Variants in TBCD observed in about 807,000 individuals in gnomAD.
TBCD encodes the protein tubulin folding cofactor D.
TBCD carries 105 observed loss-of-function variants against 169.3 expected under a neutral mutation model. That is an observed-to-expected ratio of 0.62 (90% CI 0.53 to 0.73). TBCD has a LOEUF of 0.73. TBCD is among the 30% of genes least tolerant of loss of function. The pLI, the probability that TBCD is intolerant of heterozygous loss-of-function variation, is 0.00. For missense variants in TBCD, 1,444 were observed against 1,600.1 expected, an observed-to-expected ratio of 0.90 and a Z score of 1.66; for synonymous variants, 700 against 643.9, an observed-to-expected ratio of 1.09 and a Z score of -1.32.
intron 18 of TBCD, among the ~76,000 whole-genome samples, chr17:82,901,968 G>A (rs7208393): frequency 0.27 from 40,318 of 152,076 alleles, 5,344 homozygotes; most frequent in Middle Eastern, 0.31. Flanking sequence ...ATATATGCCC[G>A]TAGCGTCGGA....
intron 6 of TBCD, 106 bp from the exon 7 acceptor site, chr17:82,781,483 C>G (rs113137953): frequency 7.1e-7 from 1 of 1,401,702 alleles, no homozygotes; most frequent in South Asian, 1.4e-5. Flanking sequence ...TGTAAGGGTG[C>G]GTGAGGTGGG....
chr17:82,921,601 G>C, intron 25 of TBCD, 24 bp downstream of exon 25: 45 of 1,611,218 alleles, frequency 2.8e-5, no homozygotes, highest in Non-Finnish European at 3.8e-5. Flanking sequence ...GGGCGTTCCC[G>C]GCCGGCGCTG....
intron 36 of TBCD, 137 bp downstream of exon 36, chr17:82,938,273 G>A (rs987452113): frequency 1.5e-5 from 15 of 972,834 alleles, no homozygotes; most frequent in Non-Finnish European, 1.9e-5. Flanking sequence ...GGGTGACGAC[G>A]CGTCACAGGC....
At chr17:82,896,000 T>C (rs560150307) in intron 17 of TBCD, 59 of 152,348 alleles carry the variant, frequency 3.9e-4, no homozygotes, top group African/African-American at 1.4e-3. Flanking sequence ...GGTACATTTT[T>C]GTAAATGTTA....
At chr17:82,836,110 A>G (rs2053949823) in intron 13 of TBCD, among the ~76,000 whole-genome samples, 1 of 152,232 alleles carries the variant, frequency 6.6e-6, no homozygotes, top group South Asian at 2.1e-4. Flanking sequence ...AGAACGTGAA[A>G]TAATTCTTTA....
intron 8 of TBCD, among the ~76,000 whole-genome samples, chr17:82,799,383 C>T (rs1288406974): frequency 7.5e-6 from 1 of 133,382 alleles, no homozygotes; most frequent in African/African-American, 2.9e-5. Context: ...TTGGAGGTTG[C>T]AGTGAGCTGA....
chr17:82,840,950 ACTGG>A (rs2054435839), intron 13 of TBCD, among the ~76,000 whole-genome samples: 1 of 79,392 alleles, frequency 1.3e-5, no homozygotes, highest in Admixed American at 1.8e-4. Flanking sequence ...GGACAGACAA[ACTGG>A]TTTTTTTTTT....
chr17:82,803,850 A>C (rs1598598988), intron 9 of TBCD, among the ~76,000 whole-genome samples: 1 of 137,646 alleles, frequency 7.3e-6, no homozygotes. Flanking sequence ...GCTGGGGTGC[A>C]CCGGTCTGTG....
chr17:82,848,753 G>T (rs1281533930), intron 13 of TBCD, among the ~76,000 whole-genome samples: 5 of 152,198 alleles, frequency 3.3e-5, no homozygotes, highest in African/African-American at 1.2e-4. Context: ...CAATGGGCTT[G>T]ATCCCTTCTC....
At chr17:82,846,185 C>CTG (rs1259596200) in intron 13 of TBCD, among the ~76,000 whole-genome samples, 1 of 104,776 alleles carries the variant, frequency 9.5e-6, no homozygotes, top group Non-Finnish European at 2.1e-5. Flanking sequence ...AAGCCCTGTG[C>CTG]CTCCCTCCAC....
rs371283194 is a variant in TBCD at position 82,759,546 on chromosome 17, G to A, written c.235+3331G>A. On this transcript the variant is annotated intron_variant, in intron 2 of 38. Transcript: ENST00000355528. Reference sequence around the variant, plus strand: ...ACGCTGTGTTCCTCAGGCTGGTCTCGAACTTCTGGCCCCAAGCAATCCTGC... The same window carrying A: ...ACGCTGTGTTCCTCAGGCTGGTCTCAAACTTCTGGCCCCAAGCAATCCTGC... Among the ~76,000 whole-genome samples, 5 of 152,022 alleles carry A rather than the reference G, an allele frequency of 3.3e-5. No homozygotes were observed. The East Asian group carries it at 7.7e-4, about 23-fold the overall frequency.
intron 18 of TBCD, among the ~76,000 whole-genome samples, chr17:82,902,071 G>A (rs1344719378): frequency 1.3e-5 from 2 of 152,150 alleles, no homozygotes; most frequent in African/African-American, 4.8e-5. Flanking sequence ...CAGTTCTGTC[G>A]GCCTTTCCTT....
rs912408299 is a variant in TBCD, at chr17:82,864,776, C to T, written c.1319-5448C>T. On this transcript the variant is annotated intron_variant, in intron 13 of 38. Coordinates refer to ENST00000355528, the MANE Select transcript of TBCD (RefSeq NM_005993.5). The surrounding 1 kb of genome is among the most constrained non-coding windows in gnomAD (Gnocchi z 6.3). ...AGAGCAGGTGATGCATATCCGGGCG[C>T]CCACCCTAGCAGCACAGGAAGGGCT... Among the ~76,000 whole-genome samples, 5 of 151,938 alleles carry T rather than the reference C, an allele frequency of 3.3e-5. No individual in the cohort carries two copies. In the East Asian group the frequency reaches 5.8e-4, roughly 18 times the overall value.
intron 13 of TBCD, among the ~76,000 whole-genome samples, chr17:82,823,734 T>C (rs189189378): frequency 2.6e-5 from 4 of 152,364 alleles, no homozygotes; most frequent in South Asian, 2.1e-4. Flanking sequence ...ATTTAAAATA[T>C]ATAGTTCCAT....
Position 82,835,127 on chromosome 17 carries a change from G to C in TBCD, c.1318+20193G>C, listed in dbSNP as rs1215095145. On this transcript the variant is annotated intron_variant, in intron 13 of 38. Transcript: ENST00000355528. This position sits in a 1 kb window ranked among gnomAD's most constrained non-coding sequence, Gnocchi z 4.5. ...TTTCAACTGCAGTATTTTTTTTAAG[G>C]AATGGGCAGATGTGCCCATTCTTGA... is the stretch of plus-strand genomic sequence containing the variant. Among the ~76,000 whole-genome samples, 1 of 152,136 alleles carries C rather than the reference G, an allele frequency of 6.6e-6. No homozygotes were observed. Among genetic ancestry groups the C allele is most frequent in the Non-Finnish European group, 1.5e-5 (1 of 68,012 alleles).
chr17:82,942,578 T>A lies in TBCD; in HGVS notation c.*115T>A. The A allele has an allele frequency of 1.4e-6, 2 of 1,457,370 alleles. No individual in the cohort carries two copies. The allele number at this position is 1,457,370 out of a possible 1,614,324, so 90.3% of individuals were successfully genotyped here. A position where few individuals can be genotyped will look rare whatever the true frequency, so the allele number is the denominator to read the frequency against. ...GCCTCCAGCTGTTGAAGGGTAGCGC[T>A]GGCCCTTGGAGGCTGGCACTAGCTG... is the stretch of plus-strand genomic sequence containing the variant. On this transcript the variant is annotated 3_prime_UTR_variant, in exon 39 of 39. Transcript: ENST00000355528.
At chr17:82,934,379 C>G (rs974696319) in intron 34 of TBCD, among the ~76,000 whole-genome samples, 1 of 111,960 alleles carries the variant, frequency 8.9e-6, no homozygotes, top group Non-Finnish European at 2.0e-5. Flanking sequence ...ACTGACTGAC[C>G]TTCTTACACC....
Position 82,814,821 on chromosome 17 carries a change from G to A in TBCD, c.1224-19G>A. The A allele has an allele frequency of 1.2e-6, 2 of 1,613,534 alleles. No homozygotes were observed. The highest frequency in any genetic ancestry group is 2.7e-5 in the African/African-American group (2 of 75,056). ...AGCTGACACGTGGGCTGTGGTCTCAGGATCTTTGTTGCTCTCAGTTTCCAG... is the reference window on the plus strand; with the variant it reads ...AGCTGACACGTGGGCTGTGGTCTCAAGATCTTTGTTGCTCTCAGTTTCCAG... On this transcript the variant is annotated intron_variant, in intron 12 of 38. Coordinates refer to ENST00000355528, the MANE Select transcript of TBCD (RefSeq NM_005993.5).
chr17:82,816,964 G>T (rs941206871), intron 13 of TBCD, among the ~76,000 whole-genome samples: 2 of 151,676 alleles, frequency 1.3e-5, no homozygotes, highest in African/African-American at 4.8e-5. Flanking sequence ...GTGTTTGCCC[G>T]TTTGTATGTC....
Sources: gnomAD v4.1 joint callset for allele counts (sites outside exome capture counted in the v4.1 genomes callset) on GRCh38, gnomAD v4.1.1 for gene constraint, Gnocchi (gnomAD v3.1) non-coding constraint, MANE v1.5 for transcripts, NCBI Gene and HGNC (gene_info 2026-07-23, HGNC 2026-07-21) for gene names.